The following PAXIP1 variants were observed in gnomAD, a reference collection of about 807,000 sequenced individuals.
The protein encoded by PAXIP1 is PAX-interacting protein 1.
PAXIP1 carries 19 observed loss-of-function variants against 140.6 expected under a neutral mutation model. The observed-to-expected ratio is 0.14, with a 90% CI of 0.09 to 0.20. PAXIP1 has a LOEUF of 0.20. Ranked by LOEUF, PAXIP1 falls within the 10% of genes least tolerant of loss-of-function variation. The pLI, the probability that PAXIP1 is intolerant of heterozygous loss-of-function variation, is 1.00. For synonymous variants in PAXIP1, 442 were observed against 444.6 expected (o/e 0.99, Z 0.07); for missense variants, 920 against 1,208.6 (o/e 0.76, Z 3.54).
chr7:154,976,767 A>T (rs1394947677), intron 5 of PAXIP1, among the ~76,000 whole-genome samples: 1 of 152,210 alleles, frequency 6.6e-6, no homozygotes, highest in African/African-American at 2.4e-5. Flanking sequence ...ACGTACACTC[A>T]TGGAGCATGG....
Position 154,986,965 on chromosome 7 carries a change from C to A in PAXIP1, c.325-3633G>T. On this transcript the variant is annotated intron_variant, in intron 4 of 20. Coordinates refer to ENST00000404141, the MANE Select transcript of PAXIP1 (RefSeq NM_007349.4). This position sits in a 1 kb window ranked among gnomAD's most constrained non-coding sequence, Gnocchi z 4.8. ...CAGCCACTCCCCTTGGTAAGTTTAGCACCAAGGTAAAATTGGACCTTTCAC... is the reference window on the plus strand; with the variant it reads ...CAGCCACTCCCCTTGGTAAGTTTAGAACCAAGGTAAAATTGGACCTTTCAC... Among the ~76,000 whole-genome samples the A allele has an allele frequency of 6.6e-6, 1 of 152,208 alleles. No individual in the cohort carries two copies. Among genetic ancestry groups the A allele is most frequent in the Non-Finnish European group, 1.5e-5 (1 of 68,034 alleles).
Position 155,002,924 on chromosome 7 carries a change from C to T in PAXIP1, c.6G>A (p.Ser2=), listed in dbSNP as rs778582087. ...CCTCAGGAACTTTGGGCGCCTGGTC[C>T]GACATGATCGCGGCGGCCCGGGAGG... M[S]DQAPKVPEEM... is the part of the protein sequence containing the mutation. The change falls in exon 1 of 21, where the codon TCG becomes TCA. Residue 2 remains serine, a synonymous_variant. Transcript: ENST00000404141. The T allele has an allele frequency of 5.0e-5, 67 of 1,330,320 alleles. No individual in the cohort carries two copies. In the Middle Eastern group the frequency reaches 1.6e-3, roughly 31 times the overall value. The allele number at this position is 1,330,320 out of a possible 1,614,324, so 82.4% of individuals were successfully genotyped here. A position where few individuals can be genotyped will look rare whatever the true frequency, so the allele number is the denominator to read the frequency against.
Position 154,959,944 on chromosome 7 carries a change from A to G in PAXIP1, c.2435-11T>C. ...GAACTCTCCAAGCATCTAAAGAGAG[A>G]AACACATTATTTTTTATGATAGATA... On this transcript the variant is annotated splice_polypyrimidine_tract_variant and intron_variant, in intron 12 of 20. Transcript: ENST00000404141. 6.3e-7 allele frequency: 1 copy of G among 1,583,618 alleles called. No homozygotes were observed. The highest frequency in any genetic ancestry group is 1.1e-5 in the South Asian group (1 of 90,058).
chr7:154,971,075 C>T (rs1397592330), intron 6 of PAXIP1, among the ~76,000 whole-genome samples: 1 of 152,206 alleles, frequency 6.6e-6, no homozygotes, highest in African/African-American at 2.4e-5. Context: ...GACATCAGGA[C>T]AGCACAGAGG....
Position 154,988,349 on chromosome 7 carries a change from C to G in PAXIP1, c.324+2657G>C, listed in dbSNP as rs140138893. ...GCCTCGCAATCCAGACCAATGCCAT[C>G]CTTCCTAAGCTCATAGAATCATACC... On this transcript the variant is annotated intron_variant, in intron 4 of 20. Coordinates refer to ENST00000404141, the MANE Select transcript of PAXIP1 (RefSeq NM_007349.4). 2.0e-5 allele frequency among the ~76,000 whole-genome samples: 3 copies of G among 152,280 alleles called. No homozygotes were observed. In the East Asian group the frequency reaches 5.8e-4, roughly 29 times the overall value.
At chr7:154,962,685 C>T in intron 9 of PAXIP1, 1 of 382,578 alleles carries the variant, frequency 2.6e-6, no homozygotes, top group Non-Finnish European at 4.8e-6. Flanking sequence ...TCTACAAAAG[C>T]AACAAATTCT....
At chr7:154,996,904 C>T (rs1333732282) in intron 2 of PAXIP1, among the ~76,000 whole-genome samples, 1 of 152,110 alleles carries the variant, frequency 6.6e-6, no homozygotes, top group East Asian at 1.9e-4. Flanking sequence ...GCAACAATCA[C>T]CTAGGCCCCA....
In PAXIP1 at chr7:154,993,711, C is replaced by A. The variant is rs1384963120; in HGVS notation, c.260+15G>T. 5 of 1,574,844 alleles carry A rather than the reference C, an allele frequency of 3.2e-6. No individual in the cohort carries two copies. The highest frequency in any genetic ancestry group is 1.2e-5 in the South Asian group (1 of 85,704). On this transcript the variant is annotated intron_variant, in intron 3 of 20. Transcript: ENST00000404141. ...GTTACCCTTTCCCTCCTCCCCCACT[C>A]AAAAAAAAGGATACGGCAGAAGAGT...
chr7:155,003,289 G>A (rs940939954), upstream of PAXIP1, among the ~76,000 whole-genome samples: 8 of 151,962 alleles, frequency 5.3e-5, no homozygotes, highest in Admixed American at 5.2e-4. Context: ...CGGTTCCGTG[G>A]CCGCCGCTCT....
intron 8 of PAXIP1, chr7:154,965,680 A>G (rs528877247): frequency 1.3e-5 from 2 of 152,358 alleles, no homozygotes; most frequent in South Asian, 4.1e-4. Context: ...TTTTCTTAAT[A>G]ACATTTTCTT....
At chr7:154,994,950 A>G (rs575202143) in intron 2 of PAXIP1, among the ~76,000 whole-genome samples, 1 of 152,274 alleles carries the variant, frequency 6.6e-6, no homozygotes, top group African/African-American at 2.4e-5. Flanking sequence ...GAAAAATTCC[A>G]GTTAAATTTA....
rs1810307305 is a variant in PAXIP1 at position 154,991,082 on chromosome 7, T to C, written c.261-13A>G. ...AAAACCATTTACTCTGTTTTATAGT[T>C]ATTAAGATTACAATGAAATAAGATT... On this transcript the variant is annotated splice_polypyrimidine_tract_variant and intron_variant, in intron 3 of 20. Coordinates refer to ENST00000404141, the MANE Select transcript of PAXIP1 (RefSeq NM_007349.4). The C allele has an allele frequency of 2.8e-6, 4 of 1,408,332 alleles. No homozygotes were observed. Among genetic ancestry groups the C allele is most frequent in the Non-Finnish European group, 9.7e-7 (1 of 1,031,502 alleles). The allele number at this position is 1,408,332 out of a possible 1,614,324, so 87.2% of individuals were successfully genotyped here. A position where few individuals can be genotyped will look rare whatever the true frequency, so the allele number is the denominator to read the frequency against.
intron 4 of PAXIP1, among the ~76,000 whole-genome samples, chr7:154,988,510 A>G (rs1810176457): frequency 1.3e-5 from 2 of 152,164 alleles, no homozygotes; most frequent in African/African-American, 4.8e-5. Context: ...TGGAAGACTA[A>G]TAATATTCTT....
intron 1 of PAXIP1, chr7:155,001,989 A>G (rs1197005085): frequency 6.6e-6 from 1 of 152,270 alleles, no homozygotes; most frequent in East Asian, 1.9e-4. Flanking sequence ...GGTGGGGGCC[A>G]CTGATGTCAC....
intron 5 of PAXIP1, 100 bp downstream of exon 5, chr7:154,983,119 G>A: frequency 1.6e-6 from 1 of 608,384 alleles, no homozygotes; most frequent in South Asian, 2.4e-5. Context: ...TTTTGTAAAT[G>A]AAATATAATA....
chr7:154,987,514 A>G (rs180904550), intron 4 of PAXIP1, among the ~76,000 whole-genome samples: 98 of 152,200 alleles, frequency 6.4e-4, no homozygotes, highest in African/African-American at 2.0e-3. Context: ...ACTCCCAGTT[A>G]TCTGCTCCTC....
In PAXIP1 at chr7:154,968,769, G is replaced by A. The variant is rs1221886423; in HGVS notation, c.1432C>T (p.Pro478Ser). 4 of 719,862 alleles carry A rather than the reference G, an allele frequency of 5.6e-6. No homozygotes were observed. The Admixed American group carries it at 8.0e-5, about 14-fold the overall frequency. The allele number at this position is 719,862 out of a possible 1,614,324, so 44.6% of individuals were successfully genotyped here. ...LQFPQQQLHP[P>S]QQLHRPQQQL... ...TGCTGAGGGCGATGCAGCTGCTGTG[G>A]AGGATGCAACTGTTGCTGTGGAAAC... Residue 478 changes from proline (P) to serine (S), a missense_variant, in exon 7 of 21, where the codon CCA (proline) becomes TCA (serine). Physicochemically the swap from Pro to Ser is moderately conservative, Grantham distance 74. This residue lies in a region of PAXIP1 where 133 missense variants were observed against 88.4 expected (regional missense o/e 1.50). Transcript: ENST00000404141.
intron 2 of PAXIP1, among the ~76,000 whole-genome samples, chr7:154,997,210 T>C (rs1049844493): frequency 5.3e-5 from 8 of 152,200 alleles, no homozygotes; most frequent in African/African-American, 1.9e-4. Context: ...GCCCCGCAAT[T>C]TGACTTAATG....
In PAXIP1 at chr7:154,946,177, T is replaced by G; in HGVS notation, c.3194+188A>C. ...TATTAAAACTGAACTCTCAGTAAGT[T>G]AAGAGAATATTTTTACTAGCAACTC... On this transcript the variant is annotated intron_variant, in intron 20 of 20. Transcript: ENST00000404141. The surrounding 1 kb of genome is among the most constrained non-coding windows in gnomAD (Gnocchi z 4.9). 1.0e-6 allele frequency: 1 copy of G among 982,072 alleles called. No individual in the cohort carries two copies. The highest frequency in any genetic ancestry group is 1.2e-6 in the Non-Finnish European group (1 of 826,848). 60.8% of individuals were successfully genotyped at this position (982,072 alleles called of 1,614,324 possible).
Sources: gnomAD v4.1 joint callset for allele counts (sites outside exome capture counted in the v4.1 genomes callset) on GRCh38, gnomAD v4.1.1 for gene constraint, gnomAD v4.1.1 regional missense constraint, Gnocchi (gnomAD v3.1) non-coding constraint, MANE v1.5 for transcripts, NCBI Gene and HGNC (gene_info 2026-07-23, HGNC 2026-07-21) for gene names.